Variants in TYW1B observed in about 807,000 individuals in gnomAD.
The protein encoded by TYW1B is tRNA-yW synthesizing protein 1 homolog B, also known as S-adenosyl-L-methionine-dependent tRNA 4-demethylwyosine synthase TYW1B.
TYW1B carries 73 observed loss-of-function variants against 86.9 expected under a neutral mutation model. The ratio of observed to expected loss-of-function variants is 0.84; its 90% confidence interval spans 0.70 to 1.02. TYW1B has a LOEUF of 1.02. Ranked by LOEUF, TYW1B falls within the 50% of genes least tolerant of loss-of-function variation. The probability of loss-of-function intolerance (pLI) is 0.00; values close to 1 mark genes in which losing one functional copy is unlikely to be tolerated. For missense variants in TYW1B, 637 were observed against 827.4 expected (o/e 0.77, Z 2.82); for synonymous variants, 248 against 292.8 (o/e 0.85, Z 1.56).
chr7:72,611,501 G>T lies in TYW1B; in HGVS notation c.1785+5171C>A, dbSNP rs180859362. Among the ~76,000 whole-genome samples the T allele has an allele frequency of 7.3e-3, 1,109 of 152,118 alleles. 11 individuals are homozygous for T. Among genetic ancestry groups the T allele is most frequent in the Non-Finnish European group, 0.013 (865 of 67,990 alleles). On this transcript the variant is annotated intron_variant, in intron 13 of 13. Coordinates refer to ENST00000620995, the MANE Select transcript of TYW1B (RefSeq NM_001145440.3). Reference sequence around the variant, plus strand: ...GGTTTTATAAGGAGTTTCCTCTTTCGCTTGGCCCTCTTTTCTCTCGTCTGC... The same window carrying T: ...GGTTTTATAAGGAGTTTCCTCTTTCTCTTGGCCCTCTTTTCTCTCGTCTGC...
chr7:72,814,876 C>A (rs1554479071), intron 3 of TYW1B, among the ~76,000 whole-genome samples: 1 of 150,248 alleles, frequency 6.7e-6, no homozygotes, highest in Non-Finnish European at 1.5e-5. Flanking sequence ...ACCAGCCTGG[C>A]CAACATGGTG....
intron 11 of TYW1B, among the ~76,000 whole-genome samples, chr7:72,667,931 G>A (rs1338351743): frequency 4.6e-5 from 7 of 152,232 alleles, no homozygotes; most frequent in African/African-American, 1.7e-4. Flanking sequence ...AGGTAGTTGT[G>A]TGTCACTACT....
chr7:72,775,716 G>C (rs1293590279), intron 7 of TYW1B, among the ~76,000 whole-genome samples: 1 of 150,928 alleles, frequency 6.6e-6, no homozygotes, highest in Non-Finnish European at 1.5e-5. Flanking sequence ...GTCGCCACAG[G>C]TAAGTTTAAA....
chr7:72,769,743 C>A (rs1787834215), intron 7 of TYW1B, among the ~76,000 whole-genome samples: 1 of 152,194 alleles, frequency 6.6e-6, no homozygotes, highest in Non-Finnish European at 1.5e-5. Flanking sequence ...TGTGAACAGA[C>A]ATTTCACAAG....
chr7:72,616,034 G>C (rs1402451636), intron 13 of TYW1B, among the ~76,000 whole-genome samples: 14 of 152,140 alleles, frequency 9.2e-5, no homozygotes, highest in Admixed American at 8.5e-4. Flanking sequence ...GAAAGAATAA[G>C]TATTTAAAGA....
intron 7 of TYW1B, among the ~76,000 whole-genome samples, chr7:72,761,874 A>C: frequency 6.6e-6 from 1 of 152,066 alleles, no homozygotes; most frequent in East Asian, 1.9e-4. Flanking sequence ...GTGTAGGATA[A>C]AGCAGAAAGT....
intron 2 of TYW1B, among the ~76,000 whole-genome samples, chr7:72,820,185 G>T (rs1479034792): frequency 6.6e-6 from 1 of 152,148 alleles, no homozygotes; most frequent in African/African-American, 2.4e-5. Flanking sequence ...TGAGGCAAGA[G>T]AATCACTTGA....
chr7:72,811,424 A>T lies in TYW1B; in HGVS notation c.238-759T>A, dbSNP rs7798532. Among the ~76,000 whole-genome samples the T allele has an allele frequency of 5.9e-5, 9 of 151,928 alleles. No individual in the cohort carries two copies. The East Asian group carries it at 1.4e-3, about 23-fold the overall frequency. On this transcript the variant is annotated intron_variant, in intron 3 of 13. Transcript: ENST00000620995. ...TGAAGAGAAAACAACAGCTCACGTT[A>T]CTGCTTCCTTAGAGTGGAAGCTGCT...
chr7:72,795,436 A>C (rs1788288502), intron 6 of TYW1B, among the ~76,000 whole-genome samples: 1 of 151,890 alleles, frequency 6.6e-6, no homozygotes, highest in South Asian at 2.1e-4. Flanking sequence ...ACAAAGTCTA[A>C]AAGGCTTGTG....
rs563378935 is a variant in TYW1B, at chr7:72,790,432, T to C, written c.846+11968A>G. ...TTAATCAATCATGCCTAGCTAATGATAGCTCAATAAAAACTGGGCCAGGCA... is the reference window on the plus strand; with the variant it reads ...TTAATCAATCATGCCTAGCTAATGACAGCTCAATAAAAACTGGGCCAGGCA... On this transcript the variant is annotated intron_variant, in intron 6 of 13. Coordinates refer to ENST00000620995, the MANE Select transcript of TYW1B (RefSeq NM_001145440.3). Among the ~76,000 whole-genome samples the C allele has an allele frequency of 7.3e-4, 111 of 152,268 alleles. 5 individuals carry two copies. In the South Asian group the frequency reaches 0.023, roughly 31 times the overall value.
chr7:72,752,828 C>G (rs1554465342), intron 7 of TYW1B, among the ~76,000 whole-genome samples: 1 of 152,122 alleles, frequency 6.6e-6, no homozygotes, highest in African/African-American at 2.4e-5. Context: ...AGCAATAAAA[C>G]TGAAAACATT....
chr7:72,696,856 T>G (rs1814332306), intron 10 of TYW1B, among the ~76,000 whole-genome samples: 1 of 152,150 alleles, frequency 6.6e-6, no homozygotes, highest in Non-Finnish European at 1.5e-5. Context: ...GCAATACCGA[T>G]GTACTAAGGG....
chr7:72,624,721 G>A (rs1812298133), intron 12 of TYW1B, among the ~76,000 whole-genome samples: 2 of 152,192 alleles, frequency 1.3e-5, no homozygotes, highest in South Asian at 4.1e-4. Context: ...TCCCTCTGAA[G>A]TAACATGAAC....
intron 11 of TYW1B, among the ~76,000 whole-genome samples, chr7:72,670,738 G>C (rs1813580543): frequency 6.6e-6 from 1 of 152,170 alleles, no homozygotes; most frequent in Non-Finnish European, 1.5e-5. Flanking sequence ...CTTCCAAAAG[G>C]CGGGGGAATA....
At chr7:72,712,830 CA>C (rs1286441905) in intron 10 of TYW1B, among the ~76,000 whole-genome samples, 1 of 152,146 alleles carries the variant, frequency 6.6e-6, no homozygotes, top group Non-Finnish European at 1.5e-5. Context: ...CATCTAATCC[CA>C]ACCTTTCTAA....
chr7:72,647,370 T>C (rs1381603536), intron 11 of TYW1B, among the ~76,000 whole-genome samples: 1 of 152,210 alleles, frequency 6.6e-6, no homozygotes, highest in African/African-American at 2.4e-5. Context: ...CCTATGGACA[T>C]GATGAAAATT....
At chr7:72,759,680 T>C (rs1472082105) in intron 7 of TYW1B, among the ~76,000 whole-genome samples, 2 of 152,188 alleles carry the variant, frequency 1.3e-5, no homozygotes, top group African/African-American at 4.8e-5. Flanking sequence ...GACTTTTCTA[T>C]TGGTGTTGAG....
chr7:72,700,155 C>CTT lies in TYW1B; in HGVS notation c.1371-5335_1371-5334dup, dbSNP rs587689485. On this transcript the variant is annotated intron_variant, in intron 10 of 13. Transcript: ENST00000620995. ...TATCAATACATAAAGAGCTTTTACACTTTTTTTTTTTTTTTTTTTTTTTTT... is the reference window on the plus strand; with the variant it reads ...TATCAATACATAAAGAGCTTTTACACTTTTTTTTTTTTTTTTTTTTTTTTTTT... Among the ~76,000 whole-genome samples, 377 of 74,252 alleles carry CTT rather than the reference C, an allele frequency of 5.1e-3. 45 individuals are homozygous for CTT. Among genetic ancestry groups the CTT allele is most frequent in the African/African-American group, 7.6e-3 (131 of 17,270 alleles). 48.7% of individuals were successfully genotyped at this position (74,252 alleles called of 152,430 possible).
At chr7:72,804,111 T>G (rs1389130434) in intron 5 of TYW1B, among the ~76,000 whole-genome samples, 1 of 150,054 alleles carries the variant, frequency 6.7e-6, no homozygotes, top group Non-Finnish European at 1.5e-5. Context: ...ATGGTGAAAC[T>G]CTGTCTCTAC....
Sources: allele counts gnomAD v4.1 joint callset (sites outside exome capture counted in the v4.1 genomes callset), GRCh38; gene constraint gnomAD v4.1.1; transcripts MANE v1.5; gene names NCBI Gene and HGNC (gene_info 2026-07-23, HGNC 2026-07-21).